Variants in PSD3 observed in about 807,000 individuals in gnomAD.
The protein encoded by PSD3 is pleckstrin and Sec7 domain containing 3.
Under a neutral mutation model 105.5 loss-of-function variants are expected in PSD3, and 49 were observed. That is an observed-to-expected ratio of 0.46 (90% CI 0.37 to 0.59). The LOEUF is 0.59. PSD3 is among the 20% of genes least tolerant of loss of function. The probability of loss-of-function intolerance (pLI) is 0.00; values close to 1 mark genes in which losing one functional copy is unlikely to be tolerated. For missense variants in PSD3, 1,561 were observed against 1,263.8 expected, an observed-to-expected ratio of 1.24 and a Z score of -3.57; for synonymous variants, 557 against 457.8, an observed-to-expected ratio of 1.22 and a Z score of -2.77.
chr8:18,865,614 G>A (rs1816867416), intron 4 of PSD3, among the ~76,000 whole-genome samples: 1 of 151,890 alleles, frequency 6.6e-6, no homozygotes, highest in South Asian at 2.1e-4. Context: ...GTCTGTCCAA[G>A]CCACTGGCAG....
chr8:18,624,128 C>T (rs1806317079), intron 11 of PSD3, among the ~76,000 whole-genome samples: 1 of 151,912 alleles, frequency 6.6e-6, no homozygotes, highest in African/African-American at 2.4e-5. Context: ...GTGTATACAC[C>T]CTTATGACTA....
At chr8:18,990,201 G>C (rs150074428) in intron 1 of PSD3, among the ~76,000 whole-genome samples, 139 of 152,312 alleles carry the variant, frequency 9.1e-4, no homozygotes, top group Middle Eastern at 3.4e-3. Context: ...CATCCAGAGT[G>C]ATTTTTTTAA....
intron 4 of PSD3, among the ~76,000 whole-genome samples, chr8:18,814,667 A>C (rs932978864): frequency 7.2e-5 from 11 of 152,228 alleles, no homozygotes; most frequent in African/African-American, 2.7e-4. Context: ...AAATACATTT[A>C]GATGCAAACA....
upstream of PSD3, chr8:19,013,780 C>A (rs1433348861): frequency 8.6e-6 from 2 of 232,072 alleles, no homozygotes; most frequent in Admixed American, 5.9e-5. Context: ...GCCCGGCCCC[C>A]AGTAACGTCA....
intron 9 of PSD3, among the ~76,000 whole-genome samples, chr8:18,713,910 A>G (rs1039409518): frequency 6.6e-6 from 1 of 152,242 alleles, no homozygotes; most frequent in Non-Finnish European, 1.5e-5. Flanking sequence ...CCAAAACAGT[A>G]TGGTACTGGT....
intron 1 of PSD3, among the ~76,000 whole-genome samples, chr8:19,024,437 AC>A (rs1256430778): frequency 1.3e-5 from 2 of 152,238 alleles, no homozygotes; most frequent in Non-Finnish European, 2.9e-5. Context: ...GAGTCAGAAG[AC>A]AGAAGGGGTC....
At chr8:19,065,558 G>A (rs1230589221) in intron 1 of PSD3, among the ~76,000 whole-genome samples, 4 of 152,108 alleles carry the variant, frequency 2.6e-5, no homozygotes, top group Non-Finnish European at 5.9e-5. Context: ...TTAATTTGCT[G>A]GAACAGTTCA....
intron 1 of PSD3, among the ~76,000 whole-genome samples, chr8:19,037,315 A>C (rs953821015): frequency 6.6e-6 from 1 of 152,246 alleles, no homozygotes; most frequent in African/African-American, 2.4e-5. Context: ...GATGCTGTCC[A>C]GGGAATTTGG....
chr8:18,956,190 G>C (rs1016633294), intron 1 of PSD3, among the ~76,000 whole-genome samples: 1 of 152,200 alleles, frequency 6.6e-6, no homozygotes, highest in Non-Finnish European at 1.5e-5. Flanking sequence ...TGTAAAACAC[G>C]CTTAGAAAAT....
chr8:18,977,416 G>A (rs754157072), intron 1 of PSD3, among the ~76,000 whole-genome samples: 19 of 152,076 alleles, frequency 1.2e-4, no homozygotes, highest in Non-Finnish European at 2.5e-4. Context: ...CTTTTGTGGG[G>A]ATTAAAGGAG....
rs1480200766 is a variant in PSD3, at chr8:18,534,604, TCA to T, written c.*1137_*1138del. 1 of 152,186 alleles carries T rather than the reference TCA, an allele frequency of 6.6e-6. No individual in the cohort carries two copies. Among genetic ancestry groups the T allele is most frequent in the Non-Finnish European group, 1.5e-5 (1 of 68,038 alleles). The allele number at this position is 152,186 out of a possible 1,614,324, so 9.4% of individuals were successfully genotyped here. The stretch of plus-strand genomic sequence containing the variant: ...TTTGCACCTGCAACCAGAAGATTCC[TCA>T]GTTTTCCAACCATAATTCATTCTGA... On this transcript the variant is annotated 3_prime_UTR_variant, in exon 16 of 16. Transcript: ENST00000327040.
At chr8:18,676,475 G>T (rs961729965) in intron 9 of PSD3, among the ~76,000 whole-genome samples, 1 of 152,142 alleles carries the variant, frequency 6.6e-6, no homozygotes. Context: ...ACAAAGAAAA[G>T]AGCCATTCTC....
chr8:18,685,802 T>C (rs1320185133), intron 9 of PSD3, among the ~76,000 whole-genome samples: 1 of 152,080 alleles, frequency 6.6e-6, no homozygotes, highest in Non-Finnish European at 1.5e-5. Context: ...TTAACAAAAG[T>C]AAGCTTGAGG....
intron 1 of PSD3, among the ~76,000 whole-genome samples, chr8:19,043,355 C>G (rs1007652908): frequency 1.3e-5 from 2 of 152,192 alleles, no homozygotes; most frequent in Non-Finnish European, 2.9e-5. Context: ...ACAAACAACT[C>G]TCTCGTCTGT....
intron 1 of PSD3, among the ~76,000 whole-genome samples, chr8:18,936,936 T>A (rs1162990614): frequency 6.6e-6 from 1 of 152,164 alleles, no homozygotes; most frequent in East Asian, 1.9e-4. Flanking sequence ...GGAACACCAT[T>A]CAGCCGAACA....
intron 1 of PSD3, among the ~76,000 whole-genome samples, chr8:19,079,027 T>C (rs1829556108): frequency 6.6e-6 from 1 of 152,070 alleles, no homozygotes; most frequent in South Asian, 2.1e-4. Flanking sequence ...CCTTGCACTC[T>C]TGGCCCTCTG....
At chr8:18,633,527 T>C (rs1361935215) in intron 10 of PSD3, among the ~76,000 whole-genome samples, 4 of 152,164 alleles carry the variant, frequency 2.6e-5, no homozygotes, top group Admixed American at 6.5e-5. Flanking sequence ...TTTCTGTTCC[T>C]GTATTAATTC....
At chr8:18,688,752 C>T (rs1030863390) in intron 9 of PSD3, among the ~76,000 whole-genome samples, 11 of 152,274 alleles carry the variant, frequency 7.2e-5, no homozygotes, top group East Asian at 5.8e-4. Flanking sequence ...ACTTCAAAGA[C>T]GTGTTGGATG....
chr8:18,868,337 A>T (rs985826650), intron 3 of PSD3, among the ~76,000 whole-genome samples: 4 of 152,302 alleles, frequency 2.6e-5, no homozygotes, highest in Middle Eastern at 6.8e-3. Context: ...GAAGATATGA[A>T]TAAAATATTC....
Sources: allele counts gnomAD v4.1 joint callset (sites outside exome capture counted in the v4.1 genomes callset), GRCh38; gene constraint gnomAD v4.1.1; transcripts MANE v1.5; gene names NCBI Gene and HGNC (gene_info 2026-07-23, HGNC 2026-07-21).